The following CPQ variants were observed in gnomAD, a reference collection of about 807,000 sequenced individuals.
CPQ encodes carboxypeptidase Q.
Under a neutral mutation model 45.7 loss-of-function variants are expected in CPQ, and 37 were observed. The observed-to-expected ratio is 0.81, with a 90% CI of 0.62 to 1.07. The LOEUF is 1.07. CPQ is among the 50% of genes least tolerant of loss of function. The pLI is 0.00. For synonymous variants in CPQ, 186 were observed against 205.8 expected (o/e 0.90, Z 0.82); for missense variants, 537 against 572.9 (o/e 0.94, Z 0.64).
chr8:96,683,523 A>G (rs1809178768), intron 1 of CPQ, among the ~76,000 whole-genome samples: 1 of 151,968 alleles, frequency 6.6e-6, no homozygotes, highest in South Asian at 2.1e-4. Context: ...GATTATGTCT[A>G]TTTGTGAGTT....
In CPQ at chr8:97,066,149, T is replaced by C. The variant is rs1427384843; in HGVS notation, c.1194T>C (p.Thr398=). 1 of 1,612,004 alleles carries C rather than the reference T, an allele frequency of 6.2e-7. No homozygotes were observed. The highest frequency in any genetic ancestry group is 1.3e-5 in the African/African-American group (1 of 74,796). Residue 398 remains threonine (T), a synonymous_variant, in exon 7 of 8, where the codon ACT becomes ACC. Transcript: ENST00000220763. Reference sequence around the variant, plus strand: ...GCCTGCTGCAGCCCCTCAATATCACTCAGGTCCTGAGCCATGGAGAAGGGA... The same window carrying C: ...GCCTGCTGCAGCCCCTCAATATCACCCAGGTCCTGAGCCATGGAGAAGGGA... ...VMSLLQPLNI[T]QVLSHGEGTD... is the part of the protein sequence containing the mutation.
At chr8:96,975,878 A>G (rs1813770095) in intron 5 of CPQ, among the ~76,000 whole-genome samples, 1 of 151,918 alleles carries the variant, frequency 6.6e-6, no homozygotes, top group South Asian at 2.1e-4. Context: ...CAAACAGATA[A>G]CATTATACTG....
intron 4 of CPQ, among the ~76,000 whole-genome samples, chr8:96,947,598 A>AAAAC (rs776450014): frequency 4.9e-4 from 75 of 152,180 alleles, no homozygotes; most frequent in African/African-American, 8.2e-4. Flanking sequence ...TGCCTGTAAA[A>AAAAC]AAACAAACAA....
chr8:96,851,253 C>T (rs1423641296), intron 3 of CPQ, among the ~76,000 whole-genome samples: 5 of 152,204 alleles, frequency 3.3e-5, no homozygotes, highest in East Asian at 3.9e-4. Flanking sequence ...ATGAAAAATA[C>T]GTAGGTAAGT....
intron 3 of CPQ, among the ~76,000 whole-genome samples, chr8:96,843,795 A>G (rs1425697803): frequency 6.6e-6 from 1 of 152,204 alleles, no homozygotes. Flanking sequence ...TTGAATTGCT[A>G]CTCATCAAAA....
At chr8:97,046,451 C>A (rs1409216580) in intron 6 of CPQ, among the ~76,000 whole-genome samples, 1 of 152,094 alleles carries the variant, frequency 6.6e-6, no homozygotes, top group Non-Finnish European at 1.5e-5. Flanking sequence ...AGCTTTTATA[C>A]CCCACACAGC....
chr8:96,731,258 G>T (rs1809910380), intron 1 of CPQ, among the ~76,000 whole-genome samples: 1 of 152,080 alleles, frequency 6.6e-6, no homozygotes, highest in African/African-American at 2.4e-5. Context: ...CTTAATTAGA[G>T]ATGATACCTA....
chr8:96,646,773 G>A (rs1426910274), intron 1 of CPQ, among the ~76,000 whole-genome samples: 1 of 152,192 alleles, frequency 6.6e-6, no homozygotes, highest in African/African-American at 2.4e-5. Flanking sequence ...GTTAGAAGGT[G>A]AAATTACAGA....
rs1217416147 is a variant in CPQ at position 97,123,038 on chromosome 8, TA to T, written c.1256-19978del. On this transcript the variant is annotated intron_variant, in intron 7 of 7. Transcript: ENST00000220763. Reference sequence around the variant, plus strand: ...ATAAAATAAAATAAATAAAATAAAATAAAATAAATAAAATAAAATAAAATAA... The same window carrying T: ...ATAAAATAAAATAAATAAAATAAAATAAATAAATAAAATAAAATAAAATAA... Among the ~76,000 whole-genome samples, 106 of 24,874 alleles carry T rather than the reference TA, an allele frequency of 4.3e-3. 13 individuals are homozygous for T. The highest frequency in any genetic ancestry group is 0.016 in the African/African-American group (100 of 6,270). The allele number at this position is 24,874 out of a possible 152,430, so 16.3% of individuals were successfully genotyped here. A position where few individuals can be genotyped will look rare whatever the true frequency, so the allele number is the denominator to read the frequency against.
intron 4 of CPQ, among the ~76,000 whole-genome samples, chr8:96,886,538 C>T (rs1014421739): frequency 6.6e-6 from 1 of 152,132 alleles, no homozygotes; most frequent in Non-Finnish European, 1.5e-5. Context: ...TTAAAATAGT[C>T]TTAGAGGCAG....
intron 2 of CPQ, among the ~76,000 whole-genome samples, chr8:96,817,056 G>A (rs930954447): frequency 2.0e-5 from 3 of 152,154 alleles, no homozygotes; most frequent in South Asian, 2.1e-4. Context: ...AGGTCAGCCT[G>A]TCCATTTGAA....
At chr8:97,076,375 A>G (rs1050059166) in intron 7 of CPQ, among the ~76,000 whole-genome samples, 11 of 152,082 alleles carry the variant, frequency 7.2e-5, no homozygotes, top group Non-Finnish European at 1.6e-4. Flanking sequence ...TACCTAAAAT[A>G]TTTTACAGTG....
intron 5 of CPQ, among the ~76,000 whole-genome samples, chr8:97,018,172 C>T (rs1259974217): frequency 2.0e-5 from 3 of 152,098 alleles, no homozygotes; most frequent in African/African-American, 7.2e-5. Context: ...AAGCCACATC[C>T]CTAGGAAAAG....
At chr8:96,737,211 A>T (rs1809993987) in intron 1 of CPQ, among the ~76,000 whole-genome samples, 1 of 148,710 alleles carries the variant, frequency 6.7e-6, no homozygotes, top group Admixed American at 6.8e-5. Context: ...GTTCTCTTAG[A>T]GGGACAGAAC....
At chr8:96,926,653 CTCCTTCTCCCTA>C (rs1434368539) in intron 4 of CPQ, among the ~76,000 whole-genome samples, 2 of 149,032 alleles carry the variant, frequency 1.3e-5, no homozygotes, top group East Asian at 2.0e-4. Flanking sequence ...TCTTCTCCTT[CTCCTTCTCCCTA>C]TTCTTCTTCT....
chr8:97,096,719 A>G (rs1811215811), intron 7 of CPQ, among the ~76,000 whole-genome samples: 1 of 152,226 alleles, frequency 6.6e-6, no homozygotes, highest in Non-Finnish European at 1.5e-5. Context: ...ATGGCAAAGG[A>G]GTAAGATGAA....
chr8:96,675,559 G>A (rs554208520), intron 1 of CPQ, among the ~76,000 whole-genome samples: 44 of 152,014 alleles, frequency 2.9e-4, no homozygotes, highest in Non-Finnish European at 2.1e-4. Flanking sequence ...TTTTGTGTGA[G>A]TGTATCTGCA....
At chr8:96,991,330 G>A (rs945608607) in intron 5 of CPQ, among the ~76,000 whole-genome samples, 1 of 152,044 alleles carries the variant, frequency 6.6e-6, no homozygotes, top group Non-Finnish European at 1.5e-5. Flanking sequence ...ACCGAGGTGG[G>A]CCAATCACTC....
chr8:96,671,371 C>G (rs1360852920), intron 1 of CPQ, among the ~76,000 whole-genome samples: 2 of 152,170 alleles, frequency 1.3e-5, no homozygotes, highest in Non-Finnish European at 2.9e-5. Flanking sequence ...AAACATAATT[C>G]TCATCTTTCA....
Sources: allele counts gnomAD v4.1 joint callset (sites outside exome capture counted in the v4.1 genomes callset), GRCh38; gene constraint gnomAD v4.1.1; transcripts MANE v1.5; gene names NCBI Gene and HGNC (gene_info 2026-07-23, HGNC 2026-07-21).